The following GARNL3 variants were observed in gnomAD, a reference collection of about 807,000 sequenced individuals.
GARNL3 encodes the protein GTPase-activating Rap/Ran-GAP domain-like protein 3.
Under a neutral mutation model 125.0 loss-of-function variants are expected in GARNL3, and 63 were observed. The ratio of observed to expected loss-of-function variants is 0.50; its 90% CI spans 0.41 to 0.62. GARNL3 has a LOEUF of 0.62. Ranked by LOEUF, GARNL3 falls within the 20% of genes least tolerant of loss-of-function variation. The pLI, the probability that GARNL3 is intolerant of heterozygous loss-of-function variation, is 0.00. For synonymous variants in GARNL3, 439 were observed against 457.5 expected (o/e 0.96, Z 0.52); for missense variants, 994 against 1,244.0 (o/e 0.80, Z 3.02).
intron 2 of GARNL3, 30 bp downstream of exon 2, chr9:127,291,272 C>T: frequency 1.3e-6 from 2 of 1,572,456 alleles, no homozygotes; most frequent in Non-Finnish European, 1.8e-6. Flanking sequence ...TCCTGTAATG[C>T]CACCAAGCAC....
chr9:127,357,841 A>G (rs940316163), intron 21 of GARNL3, among the ~76,000 whole-genome samples: 1 of 151,754 alleles, frequency 6.6e-6, no homozygotes, highest in Non-Finnish European at 1.5e-5. Context: ...AATAAATGAG[A>G]GCATTTGTTA....
At chr9:127,327,804 T>C (rs2065620149) in intron 7 of GARNL3, among the ~76,000 whole-genome samples, 1 of 152,092 alleles carries the variant, frequency 6.6e-6, no homozygotes. Flanking sequence ...AAATCACATT[T>C]CTGGTAAAAA....
At chr9:127,354,217 C>A in intron 18 of GARNL3, 77 bp from the exon 19 acceptor site, 1 of 1,045,426 alleles carries the variant, frequency 9.6e-7, no homozygotes, top group Non-Finnish European at 1.5e-6. Context: ...TTTTTCTACA[C>A]AGTCTGCCCC....
intron 16 of GARNL3, among the ~76,000 whole-genome samples, chr9:127,345,933 G>A (rs547554171): frequency 3.0e-4 from 45 of 152,346 alleles, no homozygotes; most frequent in African/African-American, 1.1e-3. Flanking sequence ...AGTGTGTATT[G>A]AATTCACCCC....
intron 6 of GARNL3, among the ~76,000 whole-genome samples, chr9:127,322,268 T>C (rs1381281848): frequency 6.6e-6 from 1 of 152,086 alleles, no homozygotes; most frequent in Non-Finnish European, 1.5e-5. Flanking sequence ...CAACTCTGCT[T>C]CCCAGACACG....
chr9:127,354,076 G>T, intron 18 of GARNL3, 132 bp downstream of exon 18: 1 of 720,642 alleles, frequency 1.4e-6, no homozygotes, highest in East Asian at 2.5e-5. Flanking sequence ...CTCAGTGCTT[G>T]GGATCCCTCA....
chr9:127,242,920 G>T lies in GARNL3; in HGVS notation c.-28-159G>T, dbSNP rs2063228221. ...CTTCCTTGATGCAGTAAGGTCATAT[G>T]CGGTCTTGGTGGGGCCCCTGGGTCT... is the stretch of plus-strand genomic sequence containing the variant. On this transcript the variant is annotated intron_variant, in intron 1 of 10. Coordinates refer to the GARNL3 transcript ENST00000439286. This position sits in a 1 kb window ranked among gnomAD's most constrained non-coding sequence, Gnocchi z 4.6. Among the ~76,000 whole-genome samples, 1 of 152,174 alleles carries T rather than the reference G, an allele frequency of 6.6e-6. No homozygotes were observed. The highest frequency in any genetic ancestry group is 2.1e-4 in the South Asian group (1 of 4,820).
At position 127,279,150 on chromosome 9, in the gene GARNL3, A is replaced by T. The variant is rs564361703; in HGVS notation, c.145-12018A>T. On this transcript the variant is annotated intron_variant, in intron 1 of 27. Coordinates refer to ENST00000373387, the MANE Select transcript of GARNL3 (RefSeq NM_032293.5). ...GAGAAATCTGAGCCAGTTCCAATTC[A>T]GTTTCTTTCTTGGTGACCTTTCCTG... Among the ~76,000 whole-genome samples the T allele has an allele frequency of 2.6e-4, 39 of 151,774 alleles. 1 individual carries two copies. Among genetic ancestry groups the T allele is most frequent in the Admixed American group, 2.6e-3 (39 of 15,250 alleles).
chr9:127,224,906 G>GGGGCGGGGCGTGGGCGGGGCGT (rs71377990), intron 1 of GARNL3, among the ~76,000 whole-genome samples: 3 of 101,026 alleles, frequency 3.0e-5, no homozygotes, highest in Non-Finnish European at 6.2e-5. Flanking sequence ...ACCGGAGCGC[G>GGGGCGGGGCGTGGGCGGGGCGT]GGGCGGGGCG....
chr9:127,298,340 G>A (rs934847137), intron 2 of GARNL3, among the ~76,000 whole-genome samples: 91 of 152,084 alleles, frequency 6.0e-4, no homozygotes, highest in Non-Finnish European at 1.3e-4. Flanking sequence ...CACCATGCCC[G>A]GCTAATTTTT....
Position 127,375,767 on chromosome 9 carries a change from G to A in GARNL3, c.2162-7671G>A, listed in dbSNP as rs371824604. On this transcript the variant is annotated intron_variant, in intron 22 of 27. Coordinates refer to ENST00000373387, the MANE Select transcript of GARNL3 (RefSeq NM_032293.5). ...AAGACTAGGTCAAAAAAGGCATTGC[G>A]ACTGCCTTATGGTTCCTTCTTGTGT... 2.6e-3 allele frequency among the ~76,000 whole-genome samples: 394 copies of A among 152,238 alleles called. 2 individuals are homozygous for A. The highest frequency in any genetic ancestry group is 8.9e-3 in the African/African-American group (369 of 41,548).
intron 2 of GARNL3, chr9:127,300,187 T>TTTACAGGAA (rs2064741668): frequency 3.0e-6 from 1 of 329,026 alleles, no homozygotes. Context: ...AAAGTCTTCC[T>TTTACAGGAA]GAATGATAAT....
intron 2 of GARNL3, among the ~76,000 whole-genome samples, chr9:127,302,491 A>G: frequency 6.6e-6 from 1 of 152,222 alleles, no homozygotes; most frequent in East Asian, 1.9e-4. Context: ...TGAGGTAGAC[A>G]CATATGTACT....
intron 1 of GARNL3, among the ~76,000 whole-genome samples, chr9:127,226,936 C>T (rs2062924055): frequency 6.6e-6 from 1 of 152,224 alleles, no homozygotes; most frequent in Non-Finnish European, 1.5e-5. Context: ...GCAGCGCTGT[C>T]CCGTGGAACT....
At chr9:127,343,433 C>T (rs1251743198) in intron 14 of GARNL3, among the ~76,000 whole-genome samples, 1 of 152,210 alleles carries the variant, frequency 6.6e-6, no homozygotes, top group East Asian at 1.9e-4. Context: ...CCAGGCTTCC[C>T]TAGCCCCCCA....
At chr9:127,391,533 A>AAAAAAAAAAAAAAAAAAAATATATAT in intron 27 of GARNL3, among the ~76,000 whole-genome samples, 79 of 75,782 alleles carry the variant, frequency 1.0e-3, no homozygotes, top group East Asian at 4.3e-3. Context: ...ACAAAAAAAA[A>AAAAAAAAAAAAAAAAAAAATATATAT]ATATATATAT....
chr9:127,348,644 C>T (rs778253061), intron 16 of GARNL3, among the ~76,000 whole-genome samples: 20 of 152,216 alleles, frequency 1.3e-4, no homozygotes, highest in Non-Finnish European at 2.6e-4. Flanking sequence ...GAAACCATTA[C>T]GAATGCGTCA....
At chr9:127,250,240 A>G (rs1179645534) in intron 2 of GARNL3, among the ~76,000 whole-genome samples, 1 of 152,216 alleles carries the variant, frequency 6.6e-6, no homozygotes, top group African/African-American at 2.4e-5. Context: ...GCTGGGAGGC[A>G]GAAGATGGGG....
chr9:127,372,563 A>T (rs561793108), intron 22 of GARNL3, among the ~76,000 whole-genome samples: 37 of 152,316 alleles, frequency 2.4e-4, no homozygotes, highest in African/African-American at 7.7e-4. Flanking sequence ...CCTGGGTCTT[A>T]CTTACTTTGT....
Sources: allele counts gnomAD v4.1 joint callset (sites outside exome capture counted in the v4.1 genomes callset), GRCh38; gene constraint gnomAD v4.1.1; non-coding constraint Gnocchi (gnomAD v3.1); transcripts MANE v1.5; gene names NCBI Gene and HGNC (gene_info 2026-07-23, HGNC 2026-07-21).